METTL6: variants seen among roughly 807,000 people sequenced by gnomAD.
The protein encoded by METTL6 is tRNA N(3)-cytidine methyltransferase METTL6.
A neutral mutation model predicts 26.4 loss-of-function variants in METTL6; 22 were observed. The observed-to-expected ratio is 0.83, with a 90% CI of 0.59 to 1.19. The LOEUF (loss-of-function observed/expected upper bound fraction) is 1.19, where lower values mean the gene tolerates loss of function less well. Ranked by LOEUF, METTL6 falls within the 50% of genes most tolerant of loss-of-function variation. The pLI is 0.00. For missense variants in METTL6, 304 were observed against 324.8 expected (o/e 0.94, Z 0.49); for synonymous variants, 109 against 116.2 (o/e 0.94, Z 0.40).
At position 15,410,151 on chromosome 3, in the gene METTL6, A is replaced by G. The variant is rs1206912127; in HGVS notation, c.*1105T>C. Among the ~76,000 whole-genome samples, 1 of 152,140 alleles carries G rather than the reference A, an allele frequency of 6.6e-6. No homozygotes were observed. The highest frequency in any genetic ancestry group is 6.6e-5 in the Admixed American group (1 of 15,256). On this transcript the variant is annotated 3_prime_UTR_variant, in exon 6 of 6. Transcript: ENST00000383790. ...TTACATGTCTCTAACACACACACATACACTTCCTATTTTTTAATACAAAAA... is the reference window on the plus strand; with the variant it reads ...TTACATGTCTCTAACACACACACATGCACTTCCTATTTTTTAATACAAAAA...
intron 6 of METTL6, among the ~76,000 whole-genome samples, chr3:15,403,862 G>C (rs1032338154): frequency 2.0e-5 from 3 of 152,010 alleles, no homozygotes; most frequent in African/African-American, 7.3e-5. Context: ...ACAAGGGGTG[G>C]ATTATTCATG....
intron 3 of METTL6, among the ~76,000 whole-genome samples, chr3:15,423,138 G>A (rs1258861024): frequency 6.6e-6 from 1 of 152,238 alleles, no homozygotes. Context: ...GCTCACGCCT[G>A]TAATCCCAGC....
chr3:15,416,026 C>T, intron 3 of METTL6, 84 bp from the exon 4 acceptor site: 2 of 1,210,118 alleles, frequency 1.7e-6, no homozygotes, highest in East Asian at 2.4e-5. Context: ...AAAGGCGATC[C>T]AATTTCCACT....
chr3:15,420,971 T>G (rs1209822894), intron 3 of METTL6, among the ~76,000 whole-genome samples: 2 of 152,234 alleles, frequency 1.3e-5, no homozygotes. Context: ...TTTTCAGTTC[T>G]TAAGAAGGAC....
At chr3:15,414,345 A>T in intron 4 of METTL6, 183 bp from the exon 5 acceptor site, 1 of 1,356,044 alleles carries the variant, frequency 7.4e-7, no homozygotes, top group Non-Finnish European at 9.4e-7. Context: ...GCTCCATAAC[A>T]CTAAGACACT....
chr3:15,424,345 C>T (rs889648076), intron 3 of METTL6, among the ~76,000 whole-genome samples: 3 of 152,204 alleles, frequency 2.0e-5, no homozygotes, highest in Non-Finnish European at 4.4e-5. Flanking sequence ...TGGCTCACTG[C>T]AACCTCCACT....
At position 15,411,250 on chromosome 3, in the gene METTL6, G is replaced by C; in HGVS notation, c.*6C>G. The C allele has an allele frequency of 6.2e-7, 1 of 1,604,620 alleles. No individual in the cohort carries two copies. ...GGGAAGGTATAAATGCCAACCTCAT[G>C]AAAGGTCAGGACTTAGGATCCAGGC... On this transcript the variant is annotated 3_prime_UTR_variant, in exon 6 of 6. Transcript: ENST00000383790.
At chr3:15,387,192 G>A (rs912809205) in intron 6 of METTL6, among the ~76,000 whole-genome samples, 1 of 152,214 alleles carries the variant, frequency 6.6e-6, no homozygotes, top group African/African-American at 2.4e-5. Context: ...ACAACTGCCT[G>A]ACCATCATCT....
chr3:15,411,567 T>C lies in METTL6; in HGVS notation c.674-130A>G. 6 of 904,570 alleles carry C rather than the reference T, an allele frequency of 6.6e-6. No individual in the cohort carries two copies. The South Asian group carries it at 1.0e-4, about 15-fold the overall frequency. The allele number at this position is 904,570 out of a possible 1,614,324, so 56.0% of individuals were successfully genotyped here. A position where few individuals can be genotyped will look rare whatever the true frequency, so the allele number is the denominator to read the frequency against. ...AAATGAAAACCTCAATGCTAAAATTTAAAGGTTTTGATTTGGGAACTAATA... is the reference window on the plus strand; with the variant it reads ...AAATGAAAACCTCAATGCTAAAATTCAAAGGTTTTGATTTGGGAACTAATA... On this transcript the variant is annotated intron_variant, in intron 5 of 5. Transcript: ENST00000383790.
chr3:15,427,114 T>G (rs1381496886), intron 1 of METTL6, among the ~76,000 whole-genome samples: 1 of 152,108 alleles, frequency 6.6e-6, no homozygotes, highest in Non-Finnish European at 1.5e-5. Context: ...CTGATCACAC[T>G]CACAAGAGGC....
intron 6 of METTL6, among the ~76,000 whole-genome samples, chr3:15,398,909 G>C (rs1338588302): frequency 6.6e-6 from 1 of 152,294 alleles, no homozygotes; most frequent in South Asian, 2.1e-4. Flanking sequence ...GGTATTCTAA[G>C]TCACAGGATG....
chr3:15,425,301 C>T (rs1484220446), intron 2 of METTL6, among the ~76,000 whole-genome samples: 4 of 152,180 alleles, frequency 2.6e-5, no homozygotes, highest in Admixed American at 6.5e-5. Flanking sequence ...ATGGCTAACT[C>T]GGCTCTGGAG....
intron 3 of METTL6, among the ~76,000 whole-genome samples, chr3:15,419,910 G>A (rs2061573390): frequency 6.8e-6 from 1 of 146,816 alleles, no homozygotes; most frequent in Non-Finnish European, 1.5e-5. Context: ...CACCCAGGCT[G>A]GAGTGCAGTG....
chr3:15,403,650 C>T (rs914943661), intron 6 of METTL6, among the ~76,000 whole-genome samples: 7 of 152,116 alleles, frequency 4.6e-5, no homozygotes, highest in Non-Finnish European at 8.8e-5. Context: ...TACCTTCTAG[C>T]ACATGCGCAT....
chr3:15,404,490 G>A (rs549576020), intron 6 of METTL6, among the ~76,000 whole-genome samples: 13 of 148,644 alleles, frequency 8.7e-5, no homozygotes, highest in Admixed American at 6.2e-4. Context: ...TTACAGATGC[G>A]CACCATCATG....
intron 6 of METTL6, among the ~76,000 whole-genome samples, chr3:15,390,956 C>T (rs111526171): frequency 0.02 from 2,966 of 151,988 alleles, 43 homozygotes; most frequent in Middle Eastern, 0.038. Flanking sequence ...TTTTACTGGG[C>T]GATCAAAGTG....
intron 6 of METTL6, among the ~76,000 whole-genome samples, chr3:15,390,850 G>A (rs1699325145): frequency 6.7e-6 from 1 of 149,146 alleles, no homozygotes; most frequent in Non-Finnish European, 1.5e-5. Context: ...GTATGCAGAG[G>A]ATTTTACTGG....
downstream of METTL6, among the ~76,000 whole-genome samples, chr3:15,409,265 G>C (rs973079578): frequency 6.6e-6 from 1 of 152,156 alleles, no homozygotes; most frequent in African/African-American, 2.4e-5. Flanking sequence ...TGGAGTTGAA[G>C]GGCCCAGGCC....
At chr3:15,391,901 T>A (rs974230567) in intron 6 of METTL6, among the ~76,000 whole-genome samples, 5 of 152,190 alleles carry the variant, frequency 3.3e-5, no homozygotes, top group African/African-American at 1.2e-4. Flanking sequence ...TCTATCATTG[T>A]TGGACATTTG....
Sources: allele counts gnomAD v4.1 joint callset (sites outside exome capture counted in the v4.1 genomes callset), GRCh38; gene constraint gnomAD v4.1.1; transcripts MANE v1.5; gene names NCBI Gene and HGNC (gene_info 2026-07-23, HGNC 2026-07-21).